Variants in RHOA observed in about 807,000 individuals in gnomAD.
RHOA encodes transforming protein RhoA.
A neutral mutation model predicts 17.5 loss-of-function variants in RHOA; 3 were observed. That is an observed-to-expected ratio of 0.17 (90% CI 0.08 to 0.44). The LOEUF (loss-of-function observed/expected upper bound fraction) is 0.44. RHOA is among the 20% of genes least tolerant of loss of function. RHOA has a pLI of 0.99. For synonymous variants in RHOA, 98 were observed against 88.4 expected (o/e 1.11, Z -0.61); for missense variants, 56 against 242.3 (o/e 0.23, Z 5.10).
chr3:49,394,718 C>T (rs1480319175), intron 1 of RHOA, among the ~76,000 whole-genome samples: 1 of 152,130 alleles, frequency 6.6e-6, no homozygotes, highest in Non-Finnish European at 1.5e-5. Flanking sequence ...ATCTGGAAAA[C>T]ACTCAGGGAA....
intron 1 of RHOA, among the ~76,000 whole-genome samples, chr3:49,391,475 G>C (rs567654453): frequency 1.1e-3 from 173 of 152,148 alleles, no homozygotes; most frequent in African/African-American, 4.0e-3. Context: ...AAAAAGTCTG[G>C]ATTGCATTCA....
At chr3:49,401,307 C>T (rs1332306238) in intron 1 of RHOA, among the ~76,000 whole-genome samples, 1 of 151,922 alleles carries the variant, frequency 6.6e-6, no homozygotes, top group East Asian at 1.9e-4. Flanking sequence ...CTGCTTGAAG[C>T]CAAGAGGTGG....
intron 1 of RHOA, among the ~76,000 whole-genome samples, chr3:49,408,126 T>G (rs1439850735): frequency 6.6e-6 from 1 of 150,916 alleles, no homozygotes; most frequent in African/African-American, 2.4e-5. Flanking sequence ...GCTACTGCAC[T>G]CTGGCCCGGA....
chr3:49,391,845 TGAGACAGCGTTTCGATC>T (rs2048516923), intron 1 of RHOA, among the ~76,000 whole-genome samples: 1 of 124,184 alleles, frequency 8.1e-6, no homozygotes, highest in Non-Finnish European at 1.7e-5. Context: ...TTTTTTTTTT[TGAGACAGCGTTTCGATC>T]TTGTCCCCCA....
At chr3:49,390,183 G>T (rs1291559673) in intron 1 of RHOA, among the ~76,000 whole-genome samples, 1 of 151,482 alleles carries the variant, frequency 6.6e-6, no homozygotes, top group Admixed American at 6.6e-5. Flanking sequence ...CACCCAGGCT[G>T]GAATGCAGTG....
At chr3:49,399,166 AAGACC>A (rs1010098015) in intron 1 of RHOA, among the ~76,000 whole-genome samples, 1 of 151,174 alleles carries the variant, frequency 6.6e-6, no homozygotes, top group African/African-American at 2.4e-5. Context: ...TCAGGAGATC[AAGACC>A]ACCCTGGCTG....
intron 1 of RHOA, among the ~76,000 whole-genome samples, chr3:49,394,666 C>T (rs1274644036): frequency 2.0e-5 from 3 of 152,120 alleles, no homozygotes; most frequent in Non-Finnish European, 4.4e-5. Context: ...CCACTGTCTT[C>T]TATGGGCCAT....
intron 1 of RHOA, among the ~76,000 whole-genome samples, chr3:49,404,895 C>T (rs1368495856): frequency 2.0e-5 from 3 of 150,580 alleles, no homozygotes; most frequent in Admixed American, 1.3e-4. Flanking sequence ...GCCGAGATCA[C>T]GCCACTGCAC....
intron 1 of RHOA, among the ~76,000 whole-genome samples, chr3:49,395,263 AG>A (rs2048595179): frequency 6.6e-6 from 1 of 151,778 alleles, no homozygotes; most frequent in Admixed American, 6.6e-5. Context: ...AAAAAAAAAA[AG>A]AATTCAGAAA....
At chr3:49,382,657 C>T (rs1375091395) in intron 1 of RHOA, among the ~76,000 whole-genome samples, 1 of 151,968 alleles carries the variant, frequency 6.6e-6, no homozygotes, top group Non-Finnish European at 1.5e-5. Context: ...ATTTAATAAA[C>T]TTTACATCTC....
intron 1 of RHOA, among the ~76,000 whole-genome samples, chr3:49,388,552 C>CT (rs1229798157): frequency 6.6e-6 from 1 of 152,140 alleles, no homozygotes; most frequent in Non-Finnish European, 1.5e-5. Context: ...ACTGACTATG[C>CT]TTCAGTAGGT....
intron 1 of RHOA, among the ~76,000 whole-genome samples, chr3:49,384,897 T>C (rs974152953): frequency 6.6e-6 from 1 of 151,982 alleles, no homozygotes; most frequent in Non-Finnish European, 1.5e-5. Flanking sequence ...AACCATTCTC[T>C]ACTATGAACA....
chr3:49,411,430 G>A (rs1386228807), intron 1 of RHOA, among the ~76,000 whole-genome samples: 3 of 152,222 alleles, frequency 2.0e-5, no homozygotes, highest in Non-Finnish European at 4.4e-5. Context: ...TTTCAACTCC[G>A]ACAGCCACGC....
At chr3:49,399,286 C>T (rs1265886580) in intron 1 of RHOA, among the ~76,000 whole-genome samples, 3 of 151,100 alleles carry the variant, frequency 2.0e-5, no homozygotes, top group South Asian at 2.1e-4. Flanking sequence ...AAGAGAATGA[C>T]GTGAACCTGG....
chr3:49,394,240 G>C (rs752222855), intron 1 of RHOA, among the ~76,000 whole-genome samples: 1 of 152,008 alleles, frequency 6.6e-6, no homozygotes, highest in Non-Finnish European at 1.5e-5. Context: ...TCCTGACCTC[G>C]CGATCTGCCT....
intron 2 of RHOA, chr3:49,373,292 C>A (rs1324897917): frequency 1.2e-5 from 3 of 241,848 alleles, no homozygotes; most frequent in African/African-American, 4.6e-5. Flanking sequence ...TGTTGTAAAC[C>A]AAGATCATGC....
intron 1 of RHOA, among the ~76,000 whole-genome samples, chr3:49,404,955 T>C (rs1283339279): frequency 1.1e-5 from 1 of 94,726 alleles, no homozygotes; most frequent in African/African-American, 4.2e-5. Context: ...AAAAAAATAA[T>C]AAAAAAAGTA....
intron 1 of RHOA, among the ~76,000 whole-genome samples, chr3:49,404,564 A>C (rs2048785689): frequency 7.6e-6 from 1 of 130,800 alleles, no homozygotes; most frequent in Non-Finnish European, 1.6e-5. Flanking sequence ...GTGAGCCGAG[A>C]TTGTGCCACT....
chr3:49,381,841 G>A (rs2048322018), intron 1 of RHOA, among the ~76,000 whole-genome samples: 4 of 150,906 alleles, frequency 2.7e-5, no homozygotes, highest in Non-Finnish European at 1.5e-5. Context: ...CTCCAGTTTA[G>A]GCAACAAGAG....
Sources: allele counts gnomAD v4.1 joint callset (sites outside exome capture counted in the v4.1 genomes callset), GRCh38; gene constraint gnomAD v4.1.1; transcripts MANE v1.5; gene names NCBI Gene and HGNC (gene_info 2026-07-23, HGNC 2026-07-21).